The following ARHGAP35 variants were observed in gnomAD, a reference collection of about 807,000 sequenced individuals.
The protein encoded by ARHGAP35 is rho GTPase-activating protein 35.
ARHGAP35 carries 15 observed loss-of-function variants against 111.1 expected under a neutral mutation model. That is an observed-to-expected ratio of 0.13 (90% CI 0.09 to 0.21). The LOEUF is 0.21. ARHGAP35 is among the 10% of genes least tolerant of loss of function. The probability of loss-of-function intolerance (pLI) is 1.00; values close to 1 mark genes in which losing one functional copy is unlikely to be tolerated. For synonymous variants in ARHGAP35, 643 were observed against 710.3 expected (o/e 0.91, Z 1.51); for missense variants, 1,262 against 1,873.0 (o/e 0.67, Z 6.02).
chr19:46,998,852 G>A (rs2056730247), intron 5 of ARHGAP35, among the ~76,000 whole-genome samples: 1 of 152,386 alleles, frequency 6.6e-6, no homozygotes, highest in Admixed American at 6.5e-5. Flanking sequence ...AAAGGACAGA[G>A]CCTTGGTCTC....
intron 1 of ARHGAP35, among the ~76,000 whole-genome samples, chr19:46,914,538 G>T (rs2056154352): frequency 6.6e-6 from 1 of 152,146 alleles, no homozygotes; most frequent in African/African-American, 2.4e-5. Context: ...GATCACTTGA[G>T]CCCAGGAGTT....
chr19:46,945,812 T>C lies in ARHGAP35; in HGVS notation c.3826+8404T>C, dbSNP rs1022113849. 1.3e-5 allele frequency among the ~76,000 whole-genome samples: 2 copies of C among 152,188 alleles called. No individual in the cohort carries two copies. The highest frequency in any genetic ancestry group is 6.5e-5 in the Admixed American group (1 of 15,274). ...GTGAGGCCAGACTTCGTTCCCTGTT[T>C]CTGTGATTTTTAACCTCTGCTTTTG... On this transcript the variant is annotated intron_variant, in intron 3 of 6. Transcript: ENST00000672722. The surrounding 1 kb of genome is among the most constrained non-coding windows in gnomAD (Gnocchi z 4.1).
intron 2 of ARHGAP35, among the ~76,000 whole-genome samples, chr19:46,924,756 A>T (rs2056228835): frequency 6.6e-6 from 1 of 152,268 alleles, no homozygotes; most frequent in Non-Finnish European, 1.5e-5. Flanking sequence ...AGAACAGCTT[A>T]AAAATGCTGA....
At chr19:46,876,159 CATT>C (rs2055919024) in intron 1 of ARHGAP35, among the ~76,000 whole-genome samples, 1 of 151,374 alleles carries the variant, frequency 6.6e-6, no homozygotes, top group African/African-American at 2.4e-5. Flanking sequence ...TACTGTGTGT[CATT>C]ATTAGTGCTG....
chr19:46,863,986 C>A (rs946695296), intron 1 of ARHGAP35, among the ~76,000 whole-genome samples: 1 of 152,254 alleles, frequency 6.6e-6, no homozygotes, highest in African/African-American at 2.4e-5. Context: ...ACTCAGATTT[C>A]TGCCCTCTGG....
intron 3 of ARHGAP35, among the ~76,000 whole-genome samples, chr19:46,941,780 A>G (rs1381738879): frequency 7.2e-6 from 1 of 138,000 alleles, no homozygotes; most frequent in East Asian, 2.1e-4. Flanking sequence ...GGCAGGTCTC[A>G]AACACCTGGC....
intron 1 of ARHGAP35, among the ~76,000 whole-genome samples, chr19:46,888,296 ATATATATATATATATATAT>A (rs2056004685): frequency 1.5e-5 from 1 of 64,964 alleles, no homozygotes; most frequent in African/African-American, 7.4e-5. Flanking sequence ...ATATATATAT[ATATATATATATATATATAT>A]ATAAAATATT....
Position 46,921,304 on chromosome 19 carries a change from G to A in ARHGAP35, c.2629G>A (p.Val877Met). Residue 877 changes from valine to methionine, a missense_variant, in exon 2 of 7, where the codon GTG (valine) becomes ATG (methionine). Physicochemically the swap from Val to Met is conservative, Grantham distance 21. Around this residue, in one of 8 missense-constraint regions of ARHGAP35, gnomAD observed 579 missense variants for 716.9 expected, o/e 0.81. Coordinates refer to ENST00000672722, the MANE Select transcript of ARHGAP35 (RefSeq NM_004491.5). The surrounding 1 kb of genome is among the most constrained non-coding windows in gnomAD (Gnocchi z 4.3). ...TATGTTACGTGCCTTTCTTTGTGAA[G>A]TGCAGGATATTATCCCTATTCAGCT... ...LAMLRAFLCE[V>M]QDIIPIQLVA... 6.2e-7 allele frequency: 1 copy of A among 1,613,976 alleles called. No individual in the cohort carries two copies. Among genetic ancestry groups the A allele is most frequent in the Non-Finnish European group, 8.5e-7 (1 of 1,179,900 alleles).
chr19:46,960,510 T>A (rs985262644), intron 3 of ARHGAP35, among the ~76,000 whole-genome samples: 6 of 152,174 alleles, frequency 3.9e-5, no homozygotes, highest in African/African-American at 1.4e-4. Flanking sequence ...AGTTTCTTAT[T>A]AGAGAACAGA....
intron 3 of ARHGAP35, among the ~76,000 whole-genome samples, chr19:46,974,741 G>A (rs751687200): frequency 4.6e-5 from 7 of 152,120 alleles, no homozygotes; most frequent in Non-Finnish European, 7.4e-5. Flanking sequence ...ACCCCCAGAG[G>A]TCGTGGGTGG....
chr19:46,867,604 TG>T (rs1302466503), intron 1 of ARHGAP35, among the ~76,000 whole-genome samples: 3 of 152,214 alleles, frequency 2.0e-5, no homozygotes, highest in African/African-American at 7.2e-5. Flanking sequence ...AATACTTGAT[TG>T]TCATCTCTCT....
chr19:46,988,181 C>T lies in ARHGAP35; in HGVS notation c.3904+115C>T. 1.0e-6 allele frequency: 1 copy of T among 973,988 alleles called. No individual in the cohort carries two copies. The highest frequency in any genetic ancestry group is 1.6e-6 in the Non-Finnish European group (1 of 638,326). The allele number at this position is 973,988 out of a possible 1,614,324, so 60.3% of individuals were successfully genotyped here. A position where few individuals can be genotyped will look rare whatever the true frequency, so the allele number is the denominator to read the frequency against. On this transcript the variant is annotated intron_variant, in intron 4 of 6. Coordinates refer to ENST00000672722, the MANE Select transcript of ARHGAP35 (RefSeq NM_004491.5). The surrounding 1 kb of genome is among the most constrained non-coding windows in gnomAD (Gnocchi z 5.4). ...ACTCCTGCCAGCACAGACCCAAAGC[C>T]ACGAGGTGCTGAGACTGAGAAAGAG...
At chr19:46,957,252 C>T (rs902735157) in intron 3 of ARHGAP35, among the ~76,000 whole-genome samples, 5 of 152,136 alleles carry the variant, frequency 3.3e-5, no homozygotes, top group South Asian at 2.1e-4. Context: ...TGAGCCACTG[C>T]GCCCGGCCAA....
chr19:46,929,805 T>C lies in ARHGAP35; in HGVS notation c.3681+7449T>C, dbSNP rs532519872. On this transcript the variant is annotated intron_variant, in intron 2 of 6. Coordinates refer to ENST00000672722, the MANE Select transcript of ARHGAP35 (RefSeq NM_004491.5). ...GCACATATATGTTAATCCCAGCTACTCAGGAGGCTGAGGCAGAAGAATCAC... is the reference window on the plus strand; with the variant it reads ...GCACATATATGTTAATCCCAGCTACCCAGGAGGCTGAGGCAGAAGAATCAC... 1.3e-4 allele frequency among the ~76,000 whole-genome samples: 19 copies of C among 150,804 alleles called. No homozygotes were observed. The South Asian group carries it at 2.5e-3, about 20-fold the overall frequency.
At chr19:46,943,349 G>C (rs1377752520) in intron 3 of ARHGAP35, among the ~76,000 whole-genome samples, 1 of 152,192 alleles carries the variant, frequency 6.6e-6, no homozygotes, top group African/African-American at 2.4e-5. Context: ...CCCTGCAGGT[G>C]GTGGACGCGG....
intron 1 of ARHGAP35, among the ~76,000 whole-genome samples, chr19:46,880,259 C>A (rs2055954009): frequency 6.6e-6 from 1 of 151,802 alleles, no homozygotes; most frequent in South Asian, 2.1e-4. Flanking sequence ...ATGGAGAAAC[C>A]CCCTCTCTAC....
chr19:46,880,289 G>T (rs573312142), intron 1 of ARHGAP35, among the ~76,000 whole-genome samples: 5 of 150,216 alleles, frequency 3.3e-5, no homozygotes, highest in African/African-American at 1.2e-4. Flanking sequence ...AAAATTTGCC[G>T]AGCATGGTGG....
intron 3 of ARHGAP35, among the ~76,000 whole-genome samples, chr19:46,963,599 T>A (rs2056496996): frequency 6.6e-6 from 1 of 152,226 alleles, no homozygotes; most frequent in Non-Finnish European, 1.5e-5. Flanking sequence ...GTTGTCTGTG[T>A]CATCTGTTTA....
chr19:46,867,758 TTTGTTGTTG>T (rs574337716), intron 1 of ARHGAP35, among the ~76,000 whole-genome samples: 1 of 152,006 alleles, frequency 6.6e-6, no homozygotes. Flanking sequence ...GCTAAAGTTT[TTTGTTGTTG>T]TTGTTGTTGT....
Sources: gnomAD v4.1 joint callset for allele counts (sites outside exome capture counted in the v4.1 genomes callset) on GRCh38, gnomAD v4.1.1 for gene constraint, gnomAD v4.1.1 regional missense constraint, Gnocchi (gnomAD v3.1) non-coding constraint, MANE v1.5 for transcripts, NCBI Gene and HGNC (gene_info 2026-07-23, HGNC 2026-07-21) for gene names.